Variants in RGS22 observed in about 807,000 individuals in gnomAD.
RGS22 encodes the protein regulator of G-protein signaling 22.
Under a neutral mutation model 172.9 loss-of-function variants are expected in RGS22, and 148 were observed. The ratio of observed to expected loss-of-function variants is 0.86; its 90% CI spans 0.75 to 0.98. The LOEUF (loss-of-function observed/expected upper bound fraction) is 0.98. Ranked by LOEUF, RGS22 falls within the 50% of genes least tolerant of loss-of-function variation. The probability of loss-of-function intolerance (pLI) is 0.00; values close to 1 mark genes in which losing one functional copy is unlikely to be tolerated. For missense variants in RGS22, 1,347 were observed against 1,440.8 expected (o/e 0.93, Z 1.05); for synonymous variants, 458 against 480.2 (o/e 0.95, Z 0.60).
chr8:100,018,313 T>C (rs553683284), intron 14 of RGS22, among the ~76,000 whole-genome samples: 97 of 151,594 alleles, frequency 6.4e-4, no homozygotes, highest in African/African-American at 2.2e-3. Flanking sequence ...TCAATATTAC[T>C]CGAGAGTTAA....
At chr8:100,103,819 T>C (rs939179288) in intron 2 of RGS22, among the ~76,000 whole-genome samples, 2 of 152,168 alleles carry the variant, frequency 1.3e-5, no homozygotes, top group Non-Finnish European at 2.9e-5. Flanking sequence ...AGAAAGGGAA[T>C]GCCTAGAGTC....
intron 3 of RGS22, among the ~76,000 whole-genome samples, chr8:100,084,323 A>G (rs954233223): frequency 2.0e-5 from 3 of 152,208 alleles, no homozygotes; most frequent in South Asian, 4.1e-4. Context: ...TGAATTCTGA[A>G]TGGACCTAGT....
intron 6 of RGS22, among the ~76,000 whole-genome samples, chr8:100,069,921 G>A (rs1168395376): frequency 2.6e-5 from 4 of 151,172 alleles, no homozygotes; most frequent in African/African-American, 7.3e-5. Context: ...CCAGCTACTC[G>A]GAAGGCTGAG....
At chr8:100,096,213 C>T (rs566052491) in intron 2 of RGS22, among the ~76,000 whole-genome samples, 77 of 152,280 alleles carry the variant, frequency 5.1e-4, no homozygotes, top group Non-Finnish European at 4.7e-4. Context: ...TATTAAAATG[C>T]TCTAAGTCTC....
At chr8:100,083,861 T>C (rs113394050) in intron 3 of RGS22, among the ~76,000 whole-genome samples, 27,322 of 147,538 alleles carry the variant, frequency 0.19, 2,544 homozygotes, top group African/African-American at 0.26. Context: ...TTTTTGTTTT[T>C]TCTGAGACAG....
intron 6 of RGS22, among the ~76,000 whole-genome samples, chr8:100,068,270 C>T (rs957951389): frequency 2.0e-5 from 3 of 151,984 alleles, no homozygotes; most frequent in African/African-American, 7.3e-5. Context: ...CTCTTGTAGT[C>T]CCAGCTGGGA....
intron 14 of RGS22, among the ~76,000 whole-genome samples, chr8:100,018,571 A>G (rs1817264214): frequency 6.6e-6 from 1 of 152,266 alleles, no homozygotes; most frequent in Non-Finnish European, 1.5e-5. Flanking sequence ...TTGTTGGGGG[A>G]AAAAGTGAAC....
intron 10 of RGS22, among the ~76,000 whole-genome samples, chr8:100,048,825 G>A (rs569988845): frequency 6.6e-6 from 1 of 152,194 alleles, no homozygotes; most frequent in South Asian, 2.1e-4. Context: ...GTTACCAGGG[G>A]CTGTGGGGAT....
At chr8:100,067,054 G>C (rs1810582649) in intron 6 of RGS22, among the ~76,000 whole-genome samples, 1 of 152,104 alleles carries the variant, frequency 6.6e-6, no homozygotes. Flanking sequence ...TTTTACTAGA[G>C]AATCCAAGTT....
At chr8:100,061,096 G>T (rs1810100041) in intron 9 of RGS22, among the ~76,000 whole-genome samples, 2 of 152,172 alleles carry the variant, frequency 1.3e-5, no homozygotes. Flanking sequence ...ATGGAGCTAG[G>T]ATAACTGGCT....
intron 14 of RGS22, chr8:100,038,564 G>A (rs948565443): frequency 2.4e-5 from 4 of 164,698 alleles, no homozygotes; most frequent in African/African-American, 9.6e-5. Flanking sequence ...ATTGGTCAAT[G>A]TCTCTGTTCC....
chr8:99,996,987 G>A (rs1232270162), intron 19 of RGS22, among the ~76,000 whole-genome samples: 2 of 152,102 alleles, frequency 1.3e-5, no homozygotes, highest in East Asian at 3.8e-4. Flanking sequence ...ACAAACCTGT[G>A]CTATTGACTC....
chr8:99,976,385 G>C (rs1287029654), intron 23 of RGS22, among the ~76,000 whole-genome samples: 1 of 151,656 alleles, frequency 6.6e-6, no homozygotes, highest in East Asian at 1.9e-4. Context: ...TTTTTGAGAC[G>C]GAGTCTTGCT....
intron 2 of RGS22, among the ~76,000 whole-genome samples, chr8:100,104,333 T>C (rs1335070106): frequency 1.4e-5 from 1 of 70,374 alleles, no homozygotes; most frequent in South Asian, 4.1e-4. Context: ...TATGTGCGTG[T>C]GTGTGTGTGT....
At chr8:100,079,766 G>C (rs889321965) in intron 4 of RGS22, among the ~76,000 whole-genome samples, 3 of 152,104 alleles carry the variant, frequency 2.0e-5, no homozygotes, top group African/African-American at 7.2e-5. Context: ...TTGAGGGTCA[G>C]AAGTCTCAAT....
rs1813242586 is a variant in RGS22, at chr8:100,098,916, AT to A, written c.55-5408del. 1.1e-3 allele frequency among the ~76,000 whole-genome samples: 134 copies of A among 124,314 alleles called. 1 individual carries two copies. Among genetic ancestry groups the A allele is most frequent in the African/African-American group, 3.7e-3 (119 of 31,860 alleles). The allele number at this position is 124,314 out of a possible 152,430, so 81.6% of individuals were successfully genotyped here. The stretch of plus-strand genomic sequence containing the variant: ...ATTTTATTTTATTTTATTTTATTTT[AT>A]TTTATTTTATTTATTTTTTAATGAA... On this transcript the variant is annotated intron_variant, in intron 2 of 27. Coordinates refer to ENST00000360863, the MANE Select transcript of RGS22 (RefSeq NM_015668.5).
chr8:100,075,903 T>A (rs1159815551), intron 4 of RGS22, among the ~76,000 whole-genome samples: 1 of 152,100 alleles, frequency 6.6e-6, no homozygotes. Context: ...ATTTGCCCTT[T>A]TTTTTTTAAT....
chr8:100,020,130 C>T (rs2085834), intron 14 of RGS22, among the ~76,000 whole-genome samples: 2,914 of 152,104 alleles, frequency 0.019, 88 homozygotes, highest in East Asian at 0.11. Context: ...GTGATCCACC[C>T]GCCTCGGCCT....
At chr8:100,029,224 CT>C (rs1351322368) in intron 14 of RGS22, among the ~76,000 whole-genome samples, 2 of 152,200 alleles carry the variant, frequency 1.3e-5, no homozygotes, top group Non-Finnish European at 2.9e-5. Context: ...GACACTAGCC[CT>C]GGCTGAGACC....
Sources: gnomAD v4.1 joint callset for allele counts (sites outside exome capture counted in the v4.1 genomes callset) on GRCh38, gnomAD v4.1.1 for gene constraint, MANE v1.5 for transcripts, NCBI Gene and HGNC (gene_info 2026-07-23, HGNC 2026-07-21) for gene names.